Variants in RAD51B observed in about 807,000 individuals in gnomAD.
The protein encoded by RAD51B is DNA repair protein RAD51 homolog 2.
In RAD51B, 38 loss-of-function variants were observed where a neutral mutation model predicts 42.2. That is an observed-to-expected ratio of 0.90 (90% CI 0.70 to 1.18). The LOEUF (loss-of-function observed/expected upper bound fraction) is 1.18, where lower values mean the gene tolerates loss of function less well. Among genes scored for constraint, RAD51B ranks in the 50% most tolerant of loss-of-function variants. The probability of loss-of-function intolerance (pLI) is 0.00; values close to 1 mark genes in which losing one functional copy is unlikely to be tolerated. For missense variants in RAD51B, 373 were observed against 400.7 expected (o/e 0.93, Z 0.59); for synonymous variants, 154 against 145.2 (o/e 1.06, Z -0.43).
intron 8 of RAD51B, among the ~76,000 whole-genome samples, chr14:68,393,766 T>C (rs2083830474): frequency 6.6e-6 from 1 of 152,204 alleles, no homozygotes. Flanking sequence ...GGTCACTAAA[T>C]ATATTTAGGG....
chr14:68,408,744 T>C (rs879416830), intron 8 of RAD51B, among the ~76,000 whole-genome samples: 1 of 152,234 alleles, frequency 6.6e-6, no homozygotes, highest in Admixed American at 6.5e-5. Flanking sequence ...ATCACTATGA[T>C]TTTTAAAAAT....
At chr14:68,623,107 AG>A (rs1292604283) in intron 10 of RAD51B, among the ~76,000 whole-genome samples, 3 of 152,190 alleles carry the variant, frequency 2.0e-5, no homozygotes, top group Non-Finnish European at 4.4e-5. Context: ...AAGAGGGTGA[AG>A]GGTTCTTGGA....
chr14:68,098,970 G>C (rs906415600), intron 7 of RAD51B, among the ~76,000 whole-genome samples: 3 of 152,104 alleles, frequency 2.0e-5, no homozygotes, highest in Non-Finnish European at 4.4e-5. Flanking sequence ...TCTGTTCTAG[G>C]GGTTCTGGAG....
At chr14:67,823,322 A>G (rs34666688) in intron 1 of RAD51B, among the ~76,000 whole-genome samples, 46 of 152,298 alleles carry the variant, frequency 3.0e-4, no homozygotes, top group East Asian at 7.7e-4. Context: ...TAGATTTTCT[A>G]TGTGCCTGTT....
In RAD51B at chr14:68,594,603, A is replaced by T. The variant is rs892904253; in HGVS notation, c.1155A>T (p.Ter385TyrextTer64). 9 of 1,293,030 alleles carry T rather than the reference A, an allele frequency of 7.0e-6. No homozygotes were observed. The East Asian group carries it at 3.7e-4, about 53-fold the overall frequency. 80.1% of individuals were successfully genotyped at this position (1,293,030 alleles called of 1,614,324 possible). A position where few individuals can be genotyped will look rare whatever the true frequency, so the allele number is the denominator to read the frequency against. Residue 385 changes from the stop codon to tyrosine (Y), a stop_lost, in exon 11 of 11, where the codon TAA becomes TAT. Transcript: ENST00000487270. Reference sequence around the variant, plus strand: ...GCCACCATACCCAGCTAATTTTTTAATTTTTTGTAGAGGTGGGGTCTCATT... The same window carrying T: ...GCCACCATACCCAGCTAATTTTTTATTTTTTTGTAGAGGTGGGGTCTCATT...
chr14:68,083,039 A>G (rs1456740427), intron 7 of RAD51B, among the ~76,000 whole-genome samples: 2 of 152,188 alleles, frequency 1.3e-5, no homozygotes, highest in Admixed American at 1.3e-4. Context: ...CAGACTAGAG[A>G]GTTTCAACTT....
chr14:68,107,545 G>C (rs908134039), intron 7 of RAD51B, among the ~76,000 whole-genome samples: 1 of 151,754 alleles, frequency 6.6e-6, no homozygotes, highest in African/African-American at 2.4e-5. Context: ...AAAGTTGGAA[G>C]ACTCATATTT....
At chr14:68,100,439 A>C (rs2077269464) in intron 7 of RAD51B, among the ~76,000 whole-genome samples, 1 of 152,076 alleles carries the variant, frequency 6.6e-6, no homozygotes. Context: ...TCAGCCTCCC[A>C]AAGTGCTGAG....
At chr14:67,889,389 A>G (rs1288638414) in intron 7 of RAD51B, among the ~76,000 whole-genome samples, 1 of 151,008 alleles carries the variant, frequency 6.6e-6, no homozygotes, top group Admixed American at 6.6e-5. Context: ...CAGGCACCAT[A>G]GTACTGTTCA....
At position 67,883,128 on chromosome 14, in the gene RAD51B, GGTCACTACCAGCTCTTAACT is replaced by G. The variant is rs1285746509; in HGVS notation, c.453-2739_453-2720del. 1.3e-4 allele frequency among the ~76,000 whole-genome samples: 20 copies of G among 152,096 alleles called. No homozygotes were observed. The East Asian group carries it at 1.9e-3, about 15-fold the overall frequency. On this transcript the variant is annotated intron_variant, in intron 5 of 10. Coordinates refer to ENST00000471583, the MANE Select transcript of RAD51B (RefSeq NM_133510.4). Reference sequence around the variant, plus strand: ...CTTGACCTGTTACTTCCCTGGGTGAGGTCACTACCAGCTCTTAACTGGTCACTACCAGCTCTTATCTGTGC... The same window carrying G: ...CTTGACCTGTTACTTCCCTGGGTGAGGGTCACTACCAGCTCTTATCTGTGC...
At chr14:68,080,749 A>T (rs984226507) in intron 7 of RAD51B, among the ~76,000 whole-genome samples, 1 of 152,218 alleles carries the variant, frequency 6.6e-6, no homozygotes, top group Admixed American at 6.5e-5. Context: ...TTTTACCGTG[A>T]TCCTCAACAT....
At chr14:68,610,501 C>A (rs1414498663) in intron 10 of RAD51B, among the ~76,000 whole-genome samples, 1 of 152,178 alleles carries the variant, frequency 6.6e-6, no homozygotes, top group Non-Finnish European at 1.5e-5. Flanking sequence ...CAGGAACAGG[C>A]CTCCCTGTCC....
At chr14:68,327,853 C>T (rs1438590858) in intron 8 of RAD51B, among the ~76,000 whole-genome samples, 1 of 152,110 alleles carries the variant, frequency 6.6e-6, no homozygotes, top group East Asian at 1.9e-4. Context: ...AAACACGATC[C>T]TGGTACATTT....
In RAD51B at chr14:68,021,838, G is replaced by T. The variant is rs77022649; in HGVS notation, c.756+134634G>T. ...GTACAAGCCTTATTTTAAAAATATGGTTAAAAAATGTTAACAATCATCTGT... is the reference window on the plus strand; with the variant it reads ...GTACAAGCCTTATTTTAAAAATATGTTTAAAAAATGTTAACAATCATCTGT... On this transcript the variant is annotated intron_variant, in intron 7 of 10. Coordinates refer to ENST00000471583, the MANE Select transcript of RAD51B (RefSeq NM_133510.4). 9.0e-3 allele frequency among the ~76,000 whole-genome samples: 1,377 copies of T among 152,272 alleles called. 16 individuals carry two copies. Among genetic ancestry groups the T allele is most frequent in the Middle Eastern group, 0.027 (8 of 294 alleles).
At chr14:68,167,551 A>C (rs866564558) in intron 7 of RAD51B, among the ~76,000 whole-genome samples, 4 of 152,120 alleles carry the variant, frequency 2.6e-5, no homozygotes. Flanking sequence ...GATTGATTAG[A>C]TAGTGGGTGG....
intron 7 of RAD51B, among the ~76,000 whole-genome samples, chr14:68,228,415 C>G (rs1361302983): frequency 6.6e-6 from 1 of 152,124 alleles, no homozygotes; most frequent in Non-Finnish European, 1.5e-5. Flanking sequence ...AATTCATGTA[C>G]TGCTTAATCA....
chr14:68,206,709 G>A (rs1338353190), intron 7 of RAD51B, among the ~76,000 whole-genome samples: 1 of 150,022 alleles, frequency 6.7e-6, no homozygotes, highest in Non-Finnish European at 1.5e-5. Context: ...TTGATTTTTG[G>A]CATAAGTTAT....
intron 7 of RAD51B, among the ~76,000 whole-genome samples, chr14:68,138,532 AT>A (rs2078057727): frequency 6.6e-6 from 1 of 152,116 alleles, no homozygotes; most frequent in South Asian, 2.1e-4. Context: ...GGTTTTAAGC[AT>A]TTTGGATAAA....
At chr14:67,935,031 T>C (rs2044885897) in intron 7 of RAD51B, among the ~76,000 whole-genome samples, 1 of 152,216 alleles carries the variant, frequency 6.6e-6, no homozygotes, top group Non-Finnish European at 1.5e-5. Flanking sequence ...GATGAATTCT[T>C]TTATGGTAGG....
Sources: gnomAD v4.1 joint callset for allele counts (sites outside exome capture counted in the v4.1 genomes callset) on GRCh38, gnomAD v4.1.1 for gene constraint, MANE v1.5 for transcripts, NCBI Gene and HGNC (gene_info 2026-07-23, HGNC 2026-07-21) for gene names.